The following SLC71A1 variants were observed in gnomAD, a reference collection of about 807,000 sequenced individuals.
SLC71A1 encodes hippocampus abundant gene transcript 1.
chr1:100,054,252 C>T, the SLC71A1 span, among the ~76,000 whole-genome samples: 2 of 151,676 alleles, frequency 1.3e-5, no homozygotes, highest in Admixed American at 6.6e-5. Flanking sequence ...TTCACTCTGT[C>T]GTCTAGGCTG....
chr1:100,063,305 A>C, the SLC71A1 span, among the ~76,000 whole-genome samples: 1 of 146,754 alleles, frequency 6.8e-6, no homozygotes, highest in Non-Finnish European at 1.5e-5. Context: ...CAAAACAAAA[A>C]ACACTGAAAT....
At chr1:100,078,615 C>T in the SLC71A1 span, 14 of 1,111,504 alleles carry the variant, frequency 1.3e-5, no homozygotes, top group Non-Finnish European at 1.5e-5. Context: ...TGTTCTGTCT[C>T]CTATGTACTG....
At chr1:100,038,479 C>T in the SLC71A1 span, among the ~76,000 whole-genome samples, 1 of 152,178 alleles carries the variant, frequency 6.6e-6, no homozygotes, top group African/African-American at 2.4e-5. Context: ...TGCCGCCGCT[C>T]CGGGAATCGT....
chr1:100,064,694 A>AC, the SLC71A1 span, among the ~76,000 whole-genome samples: 4 of 151,256 alleles, frequency 2.6e-5, no homozygotes, highest in Non-Finnish European at 5.9e-5. Context: ...TGTTGATACT[A>AC]TAGATCAATA....
the SLC71A1 span, chr1:100,077,099 A>C: frequency 1.3e-6 from 1 of 749,326 alleles, no homozygotes; most frequent in African/African-American, 1.8e-5. Flanking sequence ...GTCCTTTTAT[A>C]GTGTAGATTG....
chr1:100,066,721 G>C, the SLC71A1 span, among the ~76,000 whole-genome samples: 4 of 152,126 alleles, frequency 2.6e-5, no homozygotes, highest in Non-Finnish European at 5.9e-5. Flanking sequence ...CGGGCATGGT[G>C]GCTCACGCCT....
the SLC71A1 span, among the ~76,000 whole-genome samples, chr1:100,054,539 T>G: frequency 6.6e-6 from 1 of 152,044 alleles, no homozygotes; most frequent in Admixed American, 6.6e-5. Context: ...GACCTATGGC[T>G]CTGGAAATAA....
the SLC71A1 span, chr1:100,080,560 T>C: frequency 6.2e-7 from 1 of 1,614,094 alleles, no homozygotes; most frequent in Non-Finnish European, 8.5e-7. Flanking sequence ...CGGCCCTCTA[T>C]GGATTCATTT....
the SLC71A1 span, among the ~76,000 whole-genome samples, chr1:100,040,398 A>G: frequency 6.6e-6 from 1 of 152,232 alleles, no homozygotes; most frequent in Non-Finnish European, 1.5e-5. Context: ...AAATGATTGT[A>G]AAATGGTAGT....
the SLC71A1 span, among the ~76,000 whole-genome samples, chr1:100,056,605 C>A: frequency 2.6e-5 from 4 of 152,054 alleles, no homozygotes; most frequent in African/African-American, 9.7e-5. Flanking sequence ...AGCCCAACTC[C>A]GTCTCAAACA....
chr1:100,074,948 CTAA>C, the SLC71A1 span, among the ~76,000 whole-genome samples: 1 of 152,168 alleles, frequency 6.6e-6, no homozygotes. Flanking sequence ...GGAAATGAGG[CTAA>C]TAATGCATTC....
the SLC71A1 span, chr1:100,038,290 A>G: frequency 6.4e-7 from 1 of 1,559,390 alleles, no homozygotes; most frequent in Non-Finnish European, 8.7e-7. Flanking sequence ...GCTGGCCAAG[A>G]AGATCATCAT....
chr1:100,071,610 A>C, the SLC71A1 span, among the ~76,000 whole-genome samples: 1 of 152,204 alleles, frequency 6.6e-6, no homozygotes, highest in African/African-American at 2.4e-5. Context: ...TAGATTTGCT[A>C]ACATTTTGTT....
the SLC71A1 span, chr1:100,068,061 G>A: frequency 6.2e-7 from 1 of 1,614,184 alleles, no homozygotes; most frequent in Non-Finnish European, 8.5e-7. Flanking sequence ...CAGCTTGGTG[G>A]TGGTCTTAGC....
chr1:100,078,323 T>C, the SLC71A1 span: 5 of 611,810 alleles, frequency 8.2e-6, no homozygotes, highest in Non-Finnish European at 1.5e-5. Flanking sequence ...CATAGTCACC[T>C]AGTAAGCAAG....
the SLC71A1 span, among the ~76,000 whole-genome samples, chr1:100,081,298 A>G: frequency 6.6e-6 from 1 of 152,226 alleles, no homozygotes; most frequent in African/African-American, 2.4e-5. Context: ...TTGAAATTAT[A>G]ATTACCTTCT....
the SLC71A1 span, among the ~76,000 whole-genome samples, chr1:100,054,993 C>G: frequency 6.6e-6 from 1 of 151,970 alleles, no homozygotes; most frequent in African/African-American, 2.4e-5. Flanking sequence ...GAAAGGATGC[C>G]GTGTATAAAA....
the SLC71A1 span, among the ~76,000 whole-genome samples, chr1:100,076,365 A>G: frequency 6.6e-6 from 1 of 152,174 alleles, no homozygotes; most frequent in East Asian, 1.9e-4. Flanking sequence ...GCAAAAAAAA[A>G]TTTTCTAATG....
chr1:100,069,800 T>C, the SLC71A1 span: 5 of 720,866 alleles, frequency 6.9e-6, no homozygotes, highest in Non-Finnish European at 1.2e-5. Context: ...AGTCTGAGGT[T>C]GATAGGTTCA....
Sources: allele counts gnomAD v4.1 joint callset (sites outside exome capture counted in the v4.1 genomes callset), GRCh38; gene constraint gnomAD v4.1.1; transcripts MANE v1.5; gene names NCBI Gene and HGNC (gene_info 2026-07-23, HGNC 2026-07-21).